The following SYNE2 variants were observed in gnomAD, a reference collection of about 807,000 sequenced individuals.
SYNE2 encodes the protein spectrin repeat containing nuclear envelope protein 2.
SYNE2 carries 431 observed loss-of-function variants against 856.3 expected under a neutral mutation model. The observed-to-expected ratio is 0.50, with a 90% CI of 0.47 to 0.55. The LOEUF (loss-of-function observed/expected upper bound fraction) is 0.55. SYNE2 is among the 20% of genes least tolerant of loss of function. SYNE2 has a pLI of 0.00. For synonymous variants in SYNE2, 2,923 were observed against 2,872.3 expected, an observed-to-expected ratio of 1.02 and a Z score of -0.56; for missense variants, 8,129 against 8,023.2, an observed-to-expected ratio of 1.01 and a Z score of -0.50.
chr14:63,887,396 TC>T (rs2095018442), intron 1 of SYNE2, among the ~76,000 whole-genome samples: 1 of 152,230 alleles, frequency 6.6e-6, no homozygotes, highest in Non-Finnish European at 1.5e-5. Flanking sequence ...TTCCATACCG[TC>T]AGAGAACATC....
At chr14:64,026,754 T>C (rs1204854341) in intron 42 of SYNE2, 24 bp downstream of exon 42, 2 of 1,592,486 alleles carry the variant, frequency 1.3e-6, no homozygotes, top group Non-Finnish European at 1.7e-6. Context: ...CTGCACCACT[T>C]GCATCATATC....
intron 83 of SYNE2, 113 bp downstream of exon 83, chr14:64,144,061 C>T: frequency 8.3e-7 from 1 of 1,210,796 alleles, no homozygotes; most frequent in Non-Finnish European, 1.2e-6. Context: ...TAATAATCAT[C>T]TCAACTATAG....
At position 63,949,960 on chromosome 14, in the gene SYNE2, T is replaced by A; in HGVS notation, c.544T>A (p.Ser182Thr). ...CSKVQARWQM[S>T]ARKALLLWAQ... ...TAAAGTGCAAGCAAGATGGCAAATG[T>A]CTGCAAGAAAGGCCCTTCTTTTGTG... The change falls in exon 7 of 116, where the codon TCT becomes ACT. Residue 182 changes from serine (S) to threonine (T), a missense_variant. Ser to Thr is a moderately conservative substitution (Grantham distance 58, BLOSUM62 1). Coordinates refer to ENST00000555002, the MANE Select transcript of SYNE2 (RefSeq NM_182914.3). The A allele has an allele frequency of 6.2e-7, 1 of 1,614,146 alleles. No individual in the cohort carries two copies. The highest frequency in any genetic ancestry group is 8.5e-7 in the Non-Finnish European group (1 of 1,180,012).
chr14:64,155,291 T>C (rs1043728722), intron 85 of SYNE2, among the ~76,000 whole-genome samples: 16 of 151,750 alleles, frequency 1.1e-4, no homozygotes, highest in Non-Finnish European at 1.0e-4. Flanking sequence ...TACATACATA[T>C]ATATATATAT....
intron 6 of SYNE2, among the ~76,000 whole-genome samples, chr14:63,942,685 A>T (rs900727935): frequency 6.6e-6 from 1 of 151,780 alleles, no homozygotes; most frequent in African/African-American, 2.4e-5. Context: ...AGTAGAGATG[A>T]GGTTTCTCCA....
At chr14:63,768,123 C>T (rs11850362) in intron 1 of SYNE2, among the ~76,000 whole-genome samples, 1,630 of 151,498 alleles carry the variant, frequency 0.011, 25 homozygotes, top group African/African-American at 0.037. Context: ...CCTAGGAGGT[C>T]GAGACTGCAG....
At chr14:64,201,335 C>T (rs1255764775) in intron 99 of SYNE2, among the ~76,000 whole-genome samples, 2 of 152,148 alleles carry the variant, frequency 1.3e-5, no homozygotes, top group Non-Finnish European at 2.9e-5. Context: ...AGAAGTCAGT[C>T]CCATGGAAGT....
intron 1 of SYNE2, among the ~76,000 whole-genome samples, chr14:63,803,565 G>A (rs996510408): frequency 6.6e-6 from 1 of 152,208 alleles, no homozygotes; most frequent in Non-Finnish European, 1.5e-5. Context: ...CGAGTGCGGG[G>A]CCCGCCAAGC....
Position 64,212,110 on chromosome 14 carries a change from T to G in SYNE2, c.18861+12T>G. ...TGCGCCAACTGAATGTGAGGGCTGC[T>G]GCTTCCCTAGCTCTTCTCAAAAGAA... On this transcript the variant is annotated intron_variant, in intron 104 of 115. Coordinates refer to ENST00000555002, the MANE Select transcript of SYNE2 (RefSeq NM_182914.3). 1 of 1,613,890 alleles carries G rather than the reference T, an allele frequency of 6.2e-7. No homozygotes were observed.
chr14:64,173,182 C>T (rs1018935230), intron 94 of SYNE2, among the ~76,000 whole-genome samples: 5 of 152,110 alleles, frequency 3.3e-5, no homozygotes, highest in Admixed American at 6.5e-5. Flanking sequence ...TTCAGTTCAG[C>T]GTGTCAAAAC....
At chr14:64,161,935 C>A (rs1055625948) in intron 87 of SYNE2, 137 bp from the exon 88 acceptor site, 5 of 908,926 alleles carry the variant, frequency 5.5e-6, no homozygotes, top group Non-Finnish European at 8.6e-6. Flanking sequence ...GGTGATGCCA[C>A]TAATTTTAAA....
chr14:64,009,184 A>G (rs1567040446), intron 31 of SYNE2, among the ~76,000 whole-genome samples: 2 of 152,154 alleles, frequency 1.3e-5, no homozygotes. Context: ...TAACTGCCAC[A>G]TTGTCTCACT....
chr14:64,074,069 A>G lies in SYNE2; in HGVS notation c.10799A>G (p.Gln3600Arg), dbSNP rs2097436321. The G allele has an allele frequency of 1.2e-6, 2 of 1,614,110 alleles. No homozygotes were observed. The highest frequency in any genetic ancestry group is 2.7e-5 in the African/African-American group (2 of 74,954). ...ATAATTGCTTTGAAGAATTTCTTTC[A>G]ACAGACCACAACTTCATTCCAAAAT... ...KEIIALKNFF[Q>R]QTTTSFQNMA... is the part of the protein sequence containing the mutation. The change falls in exon 53 of 116, where the codon CAA (glutamine) becomes CGA (arginine). Residue 3600 changes from glutamine to arginine, a missense_variant. By Grantham distance (43) the Gln-to-Arg change is conservative (BLOSUM62 1). This residue lies in a region of SYNE2 where 5,410 missense variants were observed against 5,284.8 expected (regional missense o/e 1.02). Coordinates refer to ENST00000555002, the MANE Select transcript of SYNE2 (RefSeq NM_182914.3).
chr14:64,210,875 C>T (rs1251332376), intron 103 of SYNE2, among the ~76,000 whole-genome samples: 1 of 152,120 alleles, frequency 6.6e-6, no homozygotes, highest in East Asian at 1.9e-4. Flanking sequence ...CTCAGGAAGA[C>T]ATTGGCTTTT....
intron 100 of SYNE2, among the ~76,000 whole-genome samples, chr14:64,203,333 G>A (rs1452772531): frequency 6.6e-6 from 1 of 152,156 alleles, no homozygotes; most frequent in Non-Finnish European, 1.5e-5. Flanking sequence ...AGGTTTTTAT[G>A]GGATTATATT....
intron 96 of SYNE2, among the ~76,000 whole-genome samples, chr14:64,183,559 G>T (rs1011143402): frequency 1.5e-4 from 23 of 152,180 alleles, no homozygotes; most frequent in Non-Finnish European, 2.4e-4. Context: ...GGAGGCCAAG[G>T]CAGGCGGCTG....
Position 64,027,769 on chromosome 14 carries a change from C to T in SYNE2, c.6690C>T (p.His2230=), listed in dbSNP as rs138272705. The part of the protein sequence containing the change: ...EEPWLEIKHL[H]ESLLQQLQDS... The stretch of plus-strand genomic sequence containing the variant: ...CTTGGCTGGAAATAAAGCATCTACA[C>T]GAAAGTCTTCTTCAACAACTGCAGG... Residue 2230 remains histidine (H), a synonymous_variant, in exon 43 of 116, where the codon CAC becomes CAT. Coordinates refer to ENST00000555002, the MANE Select transcript of SYNE2 (RefSeq NM_182914.3). The T allele has an allele frequency of 1.1e-3, 1,740 of 1,614,084 alleles. 1 individual carries two copies. Among genetic ancestry groups the T allele is most frequent in the Non-Finnish European group, 1.3e-3 (1,484 of 1,179,982 alleles).
intron 1 of SYNE2, among the ~76,000 whole-genome samples, chr14:63,795,845 A>G (rs1325866674): frequency 6.6e-6 from 1 of 152,246 alleles, no homozygotes; most frequent in Non-Finnish European, 1.5e-5. Context: ...GTGGATGAAC[A>G]TCAAACACCT....
intron 101 of SYNE2, 92 bp from the exon 102 acceptor site, chr14:64,209,336 C>A (rs564624555): frequency 5.6e-6 from 9 of 1,601,024 alleles, no homozygotes; most frequent in South Asian, 3.3e-5. Context: ...GGGTCTCCCC[C>A]ACTAAACCGT....
Sources: allele counts gnomAD v4.1 joint callset (sites outside exome capture counted in the v4.1 genomes callset), GRCh38; gene constraint gnomAD v4.1.1; regional missense constraint gnomAD v4.1.1; transcripts MANE v1.5; gene names NCBI Gene and HGNC (gene_info 2026-07-23, HGNC 2026-07-21).